The following SPOCK1 variants were observed in gnomAD, a reference collection of about 807,000 sequenced individuals.
The protein encoded by SPOCK1 is testican-1.
A neutral mutation model predicts 55.3 loss-of-function variants in SPOCK1; 23 were observed. The observed-to-expected ratio is 0.42, with a 90% confidence interval of 0.30 to 0.59. The LOEUF is 0.59. Ranked by LOEUF, SPOCK1 falls within the 20% of genes least tolerant of loss-of-function variation. The pLI is 0.22. For synonymous variants in SPOCK1, 226 were observed against 221.0 expected, an observed-to-expected ratio of 1.02 and a Z score of -0.20; for missense variants, 499 against 552.5, an observed-to-expected ratio of 0.90 and a Z score of 0.97.
chr5:137,456,997 C>T (rs1272389581), intron 2 of SPOCK1, among the ~76,000 whole-genome samples: 1 of 152,158 alleles, frequency 6.6e-6, no homozygotes, highest in African/African-American at 2.4e-5. Flanking sequence ...AGTTGTTTGG[C>T]CAACTCATGT....
chr5:137,213,774 A>T (rs980998189), intron 3 of SPOCK1, among the ~76,000 whole-genome samples: 1 of 152,180 alleles, frequency 6.6e-6, no homozygotes, highest in Non-Finnish European at 1.5e-5. Flanking sequence ...ACCTGGGAGA[A>T]TGGTTATTAC....
chr5:137,281,665 T>A (rs1178300606), intron 2 of SPOCK1, among the ~76,000 whole-genome samples: 1 of 152,184 alleles, frequency 6.6e-6, no homozygotes, highest in Non-Finnish European at 1.5e-5. Flanking sequence ...AGATCCAAAT[T>A]GTGGCTCGAT....
intron 6 of SPOCK1, among the ~76,000 whole-genome samples, chr5:137,044,517 ATTTTT>A (rs747206870): frequency 6.6e-6 from 1 of 152,074 alleles, no homozygotes; most frequent in Non-Finnish European, 1.5e-5. Flanking sequence ...TAAAAGGCGT[ATTTTT>A]TTGTATTTAA....
At chr5:137,148,433 C>A (rs913663400) in intron 3 of SPOCK1, among the ~76,000 whole-genome samples, 1 of 152,208 alleles carries the variant, frequency 6.6e-6, no homozygotes. Context: ...TTAGCCTGGG[C>A]AGCCAAGCCT....
chr5:137,399,016 C>T (rs1380478929), intron 2 of SPOCK1, among the ~76,000 whole-genome samples: 1 of 151,736 alleles, frequency 6.6e-6, no homozygotes, highest in Non-Finnish European at 1.5e-5. Context: ...ATACAAATGA[C>T]ACCATCCTAA....
At chr5:137,481,414 A>G (rs955038027) in intron 2 of SPOCK1, among the ~76,000 whole-genome samples, 4 of 152,222 alleles carry the variant, frequency 2.6e-5, no homozygotes, top group African/African-American at 9.6e-5. Context: ...ACAGTCTAGC[A>G]TCTCTCAAAC....
chr5:137,174,865 G>A (rs985814340), intron 3 of SPOCK1, among the ~76,000 whole-genome samples: 1 of 152,180 alleles, frequency 6.6e-6, no homozygotes, highest in African/African-American at 2.4e-5. Flanking sequence ...ATGGGAAAGA[G>A]CGATGGCATA....
chr5:137,138,653 GC>G (rs1461476428), intron 4 of SPOCK1, among the ~76,000 whole-genome samples: 1 of 151,214 alleles, frequency 6.6e-6, no homozygotes, highest in Admixed American at 6.6e-5. Flanking sequence ...GAGATTCTAG[GC>G]TAGTTTTCTC....
intron 2 of SPOCK1, among the ~76,000 whole-genome samples, chr5:137,447,477 A>T (rs1311017729): frequency 1.3e-5 from 2 of 152,226 alleles, no homozygotes; most frequent in Non-Finnish European, 2.9e-5. Flanking sequence ...TAAAATAGGT[A>T]CACTGTGACA....
chr5:137,112,683 T>A, intron 4 of SPOCK1, 122 bp from the exon 5 acceptor site: 1 of 1,254,466 alleles, frequency 8.0e-7, no homozygotes, highest in Non-Finnish European at 1.1e-6. Context: ...CAAGGGATCC[T>A]GAGGGCCTTA....
intron 2 of SPOCK1, among the ~76,000 whole-genome samples, chr5:137,391,619 AC>A (rs1751725531): frequency 6.6e-6 from 1 of 150,948 alleles, no homozygotes; most frequent in Non-Finnish European, 1.5e-5. Flanking sequence ...GCCCCACCAA[AC>A]CCCCGATTCA....
chr5:137,114,889 A>C (rs1009315731), intron 4 of SPOCK1, among the ~76,000 whole-genome samples: 16 of 152,244 alleles, frequency 1.1e-4, no homozygotes, highest in African/African-American at 3.4e-4. Flanking sequence ...AAGAGTGGGC[A>C]GCTTTGCTGG....
At chr5:137,398,016 T>A (rs1320574888) in intron 2 of SPOCK1, among the ~76,000 whole-genome samples, 1 of 152,058 alleles carries the variant, frequency 6.6e-6, no homozygotes, top group Non-Finnish European at 1.5e-5. Context: ...ATGGCGATGG[T>A]AGGGTCAATC....
intron 2 of SPOCK1, among the ~76,000 whole-genome samples, chr5:137,410,072 T>C (rs1229200730): frequency 2.0e-5 from 3 of 152,228 alleles, no homozygotes; most frequent in African/African-American, 7.2e-5. Flanking sequence ...CTCCTCAAGC[T>C]GTGAAAACTT....
chr5:137,203,472 C>A (rs560627891), intron 3 of SPOCK1, among the ~76,000 whole-genome samples: 1 of 152,146 alleles, frequency 6.6e-6, no homozygotes, highest in African/African-American at 2.4e-5. Context: ...TGGCTCCAGG[C>A]CTAAGCAGCT....
rs147316042 is a variant in SPOCK1 at position 136,992,560 on chromosome 5, C to T, written c.630G>A (p.Leu210=). ...CGTGGAGAGCTCCAAACCAATCCTT[C>T]AGCCGGGAGGCAAGGTTCCGCAACT... is the stretch of plus-strand genomic sequence containing the variant. ...DKELRNLASR[L]KDWFGALHED... is the part of the protein sequence containing the mutation. Residue 210 remains leucine (L), a synonymous_variant, in exon 7 of 11, where the codon CTG becomes CTA. Coordinates refer to ENST00000394945, the MANE Select transcript of SPOCK1 (RefSeq NM_004598.4). 1 of 1,613,934 alleles carries T rather than the reference C, an allele frequency of 6.2e-7. No individual in the cohort carries two copies. Among genetic ancestry groups the T allele is most frequent in the African/African-American group, 1.3e-5 (1 of 75,036 alleles).
At chr5:137,153,907 C>T (rs573254977) in intron 3 of SPOCK1, among the ~76,000 whole-genome samples, 21 of 151,168 alleles carry the variant, frequency 1.4e-4, no homozygotes, top group Non-Finnish European at 2.8e-4. Flanking sequence ...AGAAAGAAGG[C>T]AGGGAGAGGA....
At chr5:137,318,107 C>A (rs1253935694) in intron 2 of SPOCK1, among the ~76,000 whole-genome samples, 2 of 152,160 alleles carry the variant, frequency 1.3e-5, no homozygotes, top group Non-Finnish European at 2.9e-5. Context: ...TAACTGCATA[C>A]GTTACAAGCA....
intron 2 of SPOCK1, among the ~76,000 whole-genome samples, chr5:137,274,787 A>T (rs1426847673): frequency 6.6e-6 from 1 of 152,240 alleles, no homozygotes; most frequent in East Asian, 1.9e-4. Context: ...ATTTTTAAAA[A>T]ATCAATGAAA....
Sources: gnomAD v4.1 joint callset for allele counts (sites outside exome capture counted in the v4.1 genomes callset) on GRCh38, gnomAD v4.1.1 for gene constraint, MANE v1.5 for transcripts, NCBI Gene and HGNC (gene_info 2026-07-23, HGNC 2026-07-21) for gene names.